The following LRBA variants were observed in gnomAD, a reference collection of about 807,000 sequenced individuals.
LRBA encodes the protein lipopolysaccharide-responsive and beige-like anchor protein.
In LRBA, 176 loss-of-function variants were observed where a neutral mutation model predicts 330.0. That is an observed-to-expected ratio of 0.53 (90% CI 0.47 to 0.60). The LOEUF is 0.60. LRBA is among the 20% of genes least tolerant of loss of function. The probability of loss-of-function intolerance (pLI) is 0.00; values close to 1 mark genes in which losing one functional copy is unlikely to be tolerated. For missense variants in LRBA, 3,259 were observed against 3,444.8 expected (o/e 0.95, Z 1.35); for synonymous variants, 1,230 against 1,193.0 (o/e 1.03, Z -0.64).
intron 42 of LRBA, among the ~76,000 whole-genome samples, chr4:150,477,290 A>G (rs1457590855): frequency 1.3e-5 from 2 of 152,192 alleles, no homozygotes; most frequent in East Asian, 3.9e-4. Context: ...ATTGTGTATT[A>G]GTCCACTCTC....
intron 37 of LRBA, among the ~76,000 whole-genome samples, chr4:150,625,588 G>T (rs1261791171): frequency 6.6e-6 from 1 of 151,564 alleles, no homozygotes; most frequent in Non-Finnish European, 1.5e-5. Context: ...TTAACACAGT[G>T]CCTCTCAATC....
chr4:150,327,228 G>A (rs1258682966), intron 48 of LRBA, among the ~76,000 whole-genome samples: 2 of 152,036 alleles, frequency 1.3e-5, no homozygotes, highest in Non-Finnish European at 2.9e-5. Flanking sequence ...GTTCAAGAAC[G>A]GCCTACATAG....
intron 48 of LRBA, among the ~76,000 whole-genome samples, chr4:150,331,450 AT>A (rs1336440240): frequency 6.6e-6 from 1 of 152,090 alleles, no homozygotes; most frequent in African/African-American, 2.4e-5. Context: ...GTTATGTAAC[AT>A]TTTTTGTTAT....
chr4:150,614,097 G>A (rs1337332682), intron 37 of LRBA, among the ~76,000 whole-genome samples: 4 of 152,192 alleles, frequency 2.6e-5, no homozygotes, highest in East Asian at 1.9e-4. Flanking sequence ...AATGGAATGG[G>A]GAGTCAACCC....
chr4:150,361,094 A>G (rs1365864240), intron 47 of LRBA, among the ~76,000 whole-genome samples: 1 of 152,188 alleles, frequency 6.6e-6, no homozygotes, highest in Non-Finnish European at 1.5e-5. Context: ...CAGATATATG[A>G]CATCTGTAAT....
intron 40 of LRBA, chr4:150,584,068 A>C: frequency 6.4e-7 from 1 of 1,563,868 alleles, no homozygotes. Flanking sequence ...GAGGTTGGCC[A>C]GGGAAATTCT....
chr4:150,817,291 C>A, intron 30 of LRBA, 34 bp from the exon 31 acceptor site: 3 of 1,594,470 alleles, frequency 1.9e-6, no homozygotes, highest in Non-Finnish European at 2.6e-6. Context: ...CTGAAAGATA[C>A]AAATTGATCT....
At chr4:150,373,193 G>A (rs915003206) in intron 47 of LRBA, among the ~76,000 whole-genome samples, 4 of 150,928 alleles carry the variant, frequency 2.7e-5, no homozygotes, top group Non-Finnish European at 5.9e-5. Context: ...GAGAGAGAGA[G>A]AGAGAGAGAC....
chr4:150,978,752 C>T (rs954805358), intron 2 of LRBA, among the ~76,000 whole-genome samples: 3 of 152,000 alleles, frequency 2.0e-5, no homozygotes, highest in Admixed American at 6.6e-5. Context: ...TTAAAGAATG[C>T]ATCAGAGTCT....
chr4:150,603,336 T>C (rs189308215), intron 37 of LRBA, among the ~76,000 whole-genome samples: 116 of 152,340 alleles, frequency 7.6e-4, no homozygotes, highest in African/African-American at 2.4e-3. Flanking sequence ...AAAATTACCA[T>C]GTAAGTCTAT....
rs1289398467 is a variant in LRBA, at chr4:150,599,044, T to C, written c.6009A>G (p.Thr2003=). The C allele has an allele frequency of 3.7e-6, 6 of 1,613,978 alleles. No individual in the cohort carries two copies. Among genetic ancestry groups the C allele is most frequent in the Non-Finnish European group, 5.1e-6 (6 of 1,179,992 alleles). ...CTGTTTTTAGTGTCGCTTCAGGATGTGTCGATCCTAGAGGGTTACGCACAA... is the reference window on the plus strand; with the variant it reads ...CTGTTTTTAGTGTCGCTTCAGGATGCGTCGATCCTAGAGGGTTACGCACAA... The part of the protein sequence containing the change: ...RRFVRNPLGS[T]HPEATLKTAV... The change falls in exon 38 of 57, where the codon ACA becomes ACG. Residue 2003 remains threonine (T), a synonymous_variant. Transcript: ENST00000651943.
chr4:150,619,603 T>C (rs2126620906), intron 37 of LRBA, among the ~76,000 whole-genome samples: 1 of 152,282 alleles, frequency 6.6e-6, no homozygotes, highest in Middle Eastern at 3.4e-3. Context: ...GTTATTACTA[T>C]ACAGATTCCT....
chr4:150,804,239 T>C (rs1040707475), intron 33 of LRBA, among the ~76,000 whole-genome samples: 3 of 152,194 alleles, frequency 2.0e-5, no homozygotes, highest in Admixed American at 6.5e-5. Context: ...TCTAAGGAAA[T>C]TGCTATTCCA....
intron 47 of LRBA, among the ~76,000 whole-genome samples, chr4:150,357,951 G>A (rs1738116930): frequency 1.3e-5 from 2 of 151,892 alleles, no homozygotes; most frequent in Admixed American, 1.3e-4. Context: ...AAAGAAACAC[G>A]AACAATTACA....
At chr4:150,660,590 G>A (rs1247485854) in intron 37 of LRBA, among the ~76,000 whole-genome samples, 8 of 147,234 alleles carry the variant, frequency 5.4e-5, no homozygotes, top group East Asian at 2.2e-4. Flanking sequence ...CATTGAGAAC[G>A]GGCCAGGATG....
intron 43 of LRBA, among the ~76,000 whole-genome samples, chr4:150,468,053 G>C (rs376998985): frequency 6.6e-6 from 1 of 152,052 alleles, no homozygotes; most frequent in African/African-American, 2.4e-5. Context: ...TTGAAATCCA[G>C]ATTTTCTGGT....
chr4:150,839,550 T>C (rs1292216531), intron 28 of LRBA, among the ~76,000 whole-genome samples: 1 of 152,192 alleles, frequency 6.6e-6, no homozygotes, highest in Non-Finnish European at 1.5e-5. Context: ...TGGAATACTA[T>C]GCAGCCATAA....
intron 33 of LRBA, among the ~76,000 whole-genome samples, chr4:150,802,027 AAATAAATAAATAAATAAATAAATCAAT>A (rs1741691594): frequency 9.3e-6 from 1 of 107,520 alleles, no homozygotes; most frequent in Non-Finnish European, 2.0e-5. Context: ...ATAAATAAAT[AAATAAATAAATAAATAAATAAATCAAT>A]AAAATTTTTT....
intron 2 of LRBA, among the ~76,000 whole-genome samples, chr4:150,940,833 A>C (rs1390796716): frequency 6.6e-6 from 1 of 151,686 alleles, no homozygotes; most frequent in Non-Finnish European, 1.5e-5. Context: ...TTCCTACATA[A>C]TCTTTTAAGT....
Sources: gnomAD v4.1 joint callset for allele counts (sites outside exome capture counted in the v4.1 genomes callset) on GRCh38, gnomAD v4.1.1 for gene constraint, MANE v1.5 for transcripts, NCBI Gene and HGNC (gene_info 2026-07-23, HGNC 2026-07-21) for gene names.